FHIT: variants seen among roughly 807,000 people sequenced by gnomAD.
FHIT encodes fragile histidine triad diadenosine triphosphatase.
Under a neutral mutation model 17.9 loss-of-function variants are expected in FHIT, and 19 were observed. The observed-to-expected ratio is 1.06, with a 90% CI of 0.74 to 1.56. The LOEUF (loss-of-function observed/expected upper bound fraction) is 1.56, where lower values mean the gene tolerates loss of function less well. FHIT is among the 40% of genes most tolerant of loss of function. FHIT has a pLI of 0.00. For missense variants in FHIT, 248 were observed against 189.2 expected (o/e 1.31, Z -1.82); for synonymous variants, 81 against 69.7 (o/e 1.16, Z -0.81).
intron 8 of FHIT, among the ~76,000 whole-genome samples, chr3:59,849,875 A>G (rs758338918): frequency 1.3e-5 from 2 of 152,236 alleles, no homozygotes; most frequent in African/African-American, 4.8e-5. Flanking sequence ...AAAATCAGAA[A>G]TATTATAAGG....
At chr3:60,206,162 A>ATTATT (rs1559727114) in intron 5 of FHIT, among the ~76,000 whole-genome samples, 95 of 121,722 alleles carry the variant, frequency 7.8e-4, no homozygotes, top group African/African-American at 2.1e-3. Context: ...TAATAATAAT[A>ATTATT]ATAATAATAA....
Position 59,985,433 on chromosome 3 carries a change from A to G in FHIT, c.279+25938T>C, listed in dbSNP as rs1243160964. ...ATTACACTTGTATAGAAAGTAACAA[A>G]CTACGTGGTCTAAGGACCAGTTATC... On this transcript the variant is annotated intron_variant, in intron 7 of 9. Coordinates refer to ENST00000492590, the MANE Select transcript of FHIT (RefSeq NM_002012.4). Among the ~76,000 whole-genome samples the G allele has an allele frequency of 2.0e-5, 3 of 152,172 alleles. No homozygotes were observed. In the East Asian group the frequency reaches 5.8e-4, roughly 29 times the overall value.
chr3:59,897,156 G>T (rs113836976), intron 8 of FHIT, among the ~76,000 whole-genome samples: 28 of 152,292 alleles, frequency 1.8e-4, no homozygotes, highest in African/African-American at 6.7e-4. Context: ...CACCACAGCT[G>T]AGTCTAAAAG....
intron 5 of FHIT, among the ~76,000 whole-genome samples, chr3:60,051,210 T>C (rs1385391966): frequency 2.0e-5 from 3 of 152,052 alleles, no homozygotes; most frequent in African/African-American, 7.2e-5. Context: ...AAATGCATAG[T>C]GTTAAAAAAA....
chr3:60,648,114 C>G (rs9837947), intron 4 of FHIT, among the ~76,000 whole-genome samples: 39,755 of 151,844 alleles, frequency 0.26, 6,186 homozygotes, highest in East Asian at 0.71. Flanking sequence ...ATAGATGGGA[C>G]GACAATGGGG....
rs540260199 is a variant in FHIT, at chr3:60,483,399, C to T, written c.103+53461G>A. Among the ~76,000 whole-genome samples the T allele has an allele frequency of 7.9e-5, 12 of 152,314 alleles. No individual in the cohort carries two copies. In the East Asian group the frequency reaches 1.5e-3, roughly 20 times the overall value. On this transcript the variant is annotated intron_variant, in intron 5 of 9. Coordinates refer to ENST00000492590, the MANE Select transcript of FHIT (RefSeq NM_002012.4). ...GAAAAAAGAAACTGTAGGCCAATAT[C>T]CCTGATGAGCATCAATGCGAAAATC... is the stretch of plus-strand genomic sequence containing the variant.
At chr3:60,499,088 T>C (rs902971008) in intron 5 of FHIT, among the ~76,000 whole-genome samples, 1 of 152,144 alleles carries the variant, frequency 6.6e-6, no homozygotes, top group African/African-American at 2.4e-5. Context: ...ATTCCATGAG[T>C]GACCAAGGAG....
intron 5 of FHIT, among the ~76,000 whole-genome samples, chr3:60,187,759 T>G (rs959915332): frequency 1.3e-5 from 2 of 152,188 alleles, no homozygotes; most frequent in African/African-American, 2.4e-5. Context: ...AGATGCTGAT[T>G]TAAGAAGAGA....
intron 4 of FHIT, among the ~76,000 whole-genome samples, chr3:60,705,191 T>C (rs1252339871): frequency 2.0e-5 from 3 of 152,168 alleles, no homozygotes; most frequent in Admixed American, 6.5e-5. Flanking sequence ...CAAACTACTT[T>C]CATGACACTT....
At chr3:61,250,105 C>T (rs1467492289) in intron 1 of FHIT, among the ~76,000 whole-genome samples, 1 of 152,210 alleles carries the variant, frequency 6.6e-6, no homozygotes, top group Non-Finnish European at 1.5e-5. Context: ...AGTCAAGCGG[C>T]TGCTCTACAG....
At chr3:60,130,121 A>C (rs1158204674) in intron 5 of FHIT, among the ~76,000 whole-genome samples, 2 of 152,146 alleles carry the variant, frequency 1.3e-5, no homozygotes, top group Admixed American at 6.6e-5. Flanking sequence ...ACCGGAAAAA[A>C]GTGAAAAGGA....
chr3:61,015,959 T>C (rs1024860569), intron 3 of FHIT, among the ~76,000 whole-genome samples: 1 of 152,202 alleles, frequency 6.6e-6, no homozygotes, highest in African/African-American at 2.4e-5. Context: ...GTGTAGTAAG[T>C]GGTGAAGACT....
chr3:60,637,820 T>C (rs2039626376), intron 4 of FHIT, among the ~76,000 whole-genome samples: 1 of 152,160 alleles, frequency 6.6e-6, no homozygotes. Context: ...TGCCTCTATT[T>C]TGGACTTTTA....
intron 5 of FHIT, among the ~76,000 whole-genome samples, chr3:60,036,037 TC>T (rs1701203816): frequency 6.6e-6 from 1 of 152,152 alleles, no homozygotes; most frequent in Non-Finnish European, 1.5e-5. Flanking sequence ...TTAGGAACCA[TC>T]CCAAGGGGAA....
At chr3:61,062,961 G>A (rs1317272895) in intron 2 of FHIT, among the ~76,000 whole-genome samples, 4 of 152,020 alleles carry the variant, frequency 2.6e-5, no homozygotes, top group Admixed American at 6.6e-5. Context: ...ACACAGACTC[G>A]TAGAGATGTC....
At chr3:60,571,051 G>C (rs545609825) in intron 4 of FHIT, among the ~76,000 whole-genome samples, 1 of 151,928 alleles carries the variant, frequency 6.6e-6, no homozygotes, top group African/African-American at 2.4e-5. Flanking sequence ...ATAGAGGCTG[G>C]GCACAGTGGC....
intron 1 of FHIT, among the ~76,000 whole-genome samples, chr3:61,214,633 G>A (rs545831281): frequency 1.5e-3 from 222 of 152,206 alleles, no homozygotes; most frequent in African/African-American, 5.0e-3. Context: ...TAGAAAAAGA[G>A]GGAATCCTCC....
chr3:59,894,594 G>A (rs1703988387), intron 8 of FHIT, among the ~76,000 whole-genome samples: 1 of 152,136 alleles, frequency 6.6e-6, no homozygotes, highest in Admixed American at 6.5e-5. Flanking sequence ...TTCTTTATAT[G>A]ATTGAATCAG....
intron 3 of FHIT, among the ~76,000 whole-genome samples, chr3:61,029,824 T>A (rs2032924158): frequency 6.6e-6 from 1 of 152,180 alleles, no homozygotes; most frequent in Non-Finnish European, 1.5e-5. Flanking sequence ...TGGTCTATTT[T>A]AATAAACACA....
Sources: allele counts gnomAD v4.1 joint callset (sites outside exome capture counted in the v4.1 genomes callset), GRCh38; gene constraint gnomAD v4.1.1; transcripts MANE v1.5; gene names NCBI Gene and HGNC (gene_info 2026-07-23, HGNC 2026-07-21).